EEA1: variants seen among roughly 807,000 people sequenced by gnomAD.
The protein encoded by EEA1 is early endosome antigen 1, 162kD.
In EEA1, 111 loss-of-function variants were observed where a neutral mutation model predicts 209.2. The observed-to-expected ratio is 0.53, with a 90% CI of 0.45 to 0.62. EEA1 has a LOEUF of 0.62. EEA1 is among the 20% of genes least tolerant of loss of function. EEA1 has a pLI of 0.00. For synonymous variants in EEA1, 536 were observed against 540.6 expected, an observed-to-expected ratio of 0.99 and a Z score of 0.12; for missense variants, 1,343 against 1,530.8, an observed-to-expected ratio of 0.88 and a Z score of 2.05.
chr12:92,928,694 G>T (rs1426076434), intron 1 of EEA1, among the ~76,000 whole-genome samples: 1 of 152,104 alleles, frequency 6.6e-6, no homozygotes, highest in Non-Finnish European at 1.5e-5. Context: ...CGGCTGGCCC[G>T]TCCCACGGGC....
At chr12:92,909,929 G>A (rs148889860) in intron 1 of EEA1, among the ~76,000 whole-genome samples, 9,306 of 152,056 alleles carry the variant, frequency 0.061, 306 homozygotes, top group Middle Eastern at 0.11. Flanking sequence ...GATCACCGGA[G>A]GTCAGGAGTT....
chr12:92,853,133 T>C lies in EEA1; in HGVS notation c.407-108A>G, dbSNP rs182152527. 2.4e-4 allele frequency: 160 copies of C among 674,692 alleles called. No individual in the cohort carries two copies. The East Asian group carries it at 4.5e-3, about 19-fold the overall frequency. 41.8% of individuals were successfully genotyped at this position (674,692 alleles called of 1,614,324 possible). A position where few individuals can be genotyped will look rare whatever the true frequency, so the allele number is the denominator to read the frequency against. On this transcript the variant is annotated intron_variant, in intron 6 of 28. Coordinates refer to ENST00000322349, the MANE Select transcript of EEA1 (RefSeq NM_003566.4). ...AAAGATGATCAACTTAAGTTTATTA[T>C]CCAATTACAAGTAGTATTTTGACAC...
chr12:92,795,105 A>C (rs112652367), intron 21 of EEA1, among the ~76,000 whole-genome samples: 2,830 of 152,270 alleles, frequency 0.019, 96 homozygotes, highest in African/African-American at 0.063. Flanking sequence ...TAAATTCTCC[A>C]ATAGAGTCCA....
At chr12:92,790,791 C>T (rs1001687441) in intron 21 of EEA1, among the ~76,000 whole-genome samples, 2 of 152,218 alleles carry the variant, frequency 1.3e-5, no homozygotes, top group East Asian at 1.9e-4. Context: ...AGATACTCCT[C>T]AAGAAGAGCA....
At chr12:92,884,628 T>C (rs982756559) in intron 2 of EEA1, 67 of 1,373,090 alleles carry the variant, frequency 4.9e-5, no homozygotes, top group Non-Finnish European at 6.5e-5. Context: ...GGCCAATACT[T>C]TGCCAAACCA....
At chr12:92,804,491 G>C (rs564099667) in intron 18 of EEA1, among the ~76,000 whole-genome samples, 1 of 145,810 alleles carries the variant, frequency 6.9e-6, no homozygotes, top group African/African-American at 2.6e-5. Context: ...AGAATCGCTT[G>C]AACCCAGGTG....
intron 9 of EEA1, among the ~76,000 whole-genome samples, chr12:92,842,797 G>A (rs1242095964): frequency 6.6e-6 from 1 of 152,012 alleles, no homozygotes; most frequent in African/African-American, 2.4e-5. Context: ...CATTTATTTA[G>A]TAATACATAA....
chr12:92,887,429 A>C (rs1216547648), intron 2 of EEA1, among the ~76,000 whole-genome samples: 1 of 152,148 alleles, frequency 6.6e-6, no homozygotes, highest in East Asian at 1.9e-4. Context: ...AAGACTGTTT[A>C]AAGCCAGGAG....
At chr12:92,847,050 T>C (rs1330818627) in intron 9 of EEA1, among the ~76,000 whole-genome samples, 1 of 152,160 alleles carries the variant, frequency 6.6e-6, no homozygotes, top group African/African-American at 2.4e-5. Context: ...CCTCCCGGGT[T>C]CAAGGGATTC....
intron 2 of EEA1, among the ~76,000 whole-genome samples, chr12:92,871,538 T>C (rs1324320564): frequency 5.9e-5 from 9 of 152,170 alleles, no homozygotes; most frequent in African/African-American, 7.2e-5. Context: ...TGAAACCCTG[T>C]GAAATAACAA....
Position 92,929,209 on chromosome 12 carries a change from T to G in EEA1, c.-143A>C. On this transcript the variant is annotated 5_prime_UTR_variant, in exon 1 of 29. Coordinates refer to ENST00000322349, the MANE Select transcript of EEA1 (RefSeq NM_003566.4). ...GGGGCGAGGCGGTGGCGACGGCCGCTCGGGCGGCCCCGACTTCCCCACAGG... is the reference window on the plus strand; with the variant it reads ...GGGGCGAGGCGGTGGCGACGGCCGCGCGGGCGGCCCCGACTTCCCCACAGG... The G allele has an allele frequency of 1.4e-6, 1 of 714,538 alleles. No homozygotes were observed. Among genetic ancestry groups the G allele is most frequent in the Non-Finnish European group, 2.1e-6 (1 of 474,698 alleles). 44.3% of individuals were successfully genotyped at this position (714,538 alleles called of 1,614,324 possible). A position where few individuals can be genotyped will look rare whatever the true frequency, so the allele number is the denominator to read the frequency against.
chr12:92,881,093 G>A (rs948083983), intron 2 of EEA1, among the ~76,000 whole-genome samples: 3 of 152,126 alleles, frequency 2.0e-5, no homozygotes, highest in African/African-American at 4.8e-5. Flanking sequence ...TCCTCCCACT[G>A]CTAAATCTGA....
chr12:92,874,280 A>C (rs1181767418), intron 2 of EEA1, among the ~76,000 whole-genome samples: 1 of 152,112 alleles, frequency 6.6e-6, no homozygotes, highest in Non-Finnish European at 1.5e-5. Flanking sequence ...TGTTCACACC[A>C]CTGCACTCCA....
chr12:92,838,021 C>T (rs1489894201), intron 10 of EEA1, among the ~76,000 whole-genome samples: 1 of 152,092 alleles, frequency 6.6e-6, no homozygotes, highest in Non-Finnish European at 1.5e-5. Flanking sequence ...GACTGGTGAC[C>T]AAATCCCAAA....
chr12:92,929,295 C>G lies in EEA1; in HGVS notation c.-229G>C, dbSNP rs1881342792. On this transcript the variant is annotated 5_prime_UTR_variant, in exon 1 of 29. Transcript: ENST00000322349. The stretch of plus-strand genomic sequence containing the variant: ...CGACTAGGCAGCCTGCGAGCGCCTC[C>G]AGCCCGCCCGCCGGGCAGCCCCCGT... 7.8e-6 allele frequency: 3 copies of G among 385,268 alleles called. No homozygotes were observed. The South Asian group carries it at 2.4e-4, about 30-fold the overall frequency. 23.9% of individuals were successfully genotyped at this position (385,268 alleles called of 1,614,324 possible). A position where few individuals can be genotyped will look rare whatever the true frequency, so the allele number is the denominator to read the frequency against.
At chr12:92,874,401 T>C (rs1878787067) in intron 2 of EEA1, among the ~76,000 whole-genome samples, 1 of 152,262 alleles carries the variant, frequency 6.6e-6, no homozygotes. Context: ...AGTCTCGCTC[T>C]GTCACCCAGG....
At chr12:92,827,825 T>G (rs1876390770) in intron 12 of EEA1, 87 bp downstream of exon 12, 2 of 1,352,004 alleles carry the variant, frequency 1.5e-6, no homozygotes, top group Non-Finnish European at 1.9e-6. Context: ...AAAGTCCAAT[T>G]AAAGCTTTGA....
chr12:92,909,155 A>G lies in EEA1; in HGVS notation c.25-17434T>C, dbSNP rs561768395. The stretch of plus-strand genomic sequence containing the variant: ...TTATCATTCAAAAGCTTAAAAGCAA[A>G]GACAACCCAAAAGCAAAGCGCACCC... On this transcript the variant is annotated intron_variant, in intron 1 of 28. Transcript: ENST00000322349. Among the ~76,000 whole-genome samples, 212 of 152,316 alleles carry G rather than the reference A, an allele frequency of 1.4e-3. 1 individual carries two copies. Among genetic ancestry groups the G allele is most frequent in the African/African-American group, 4.9e-3 (205 of 41,564 alleles).
chr12:92,797,166 C>A (rs955335522), intron 21 of EEA1, among the ~76,000 whole-genome samples: 5 of 152,214 alleles, frequency 3.3e-5, no homozygotes, highest in East Asian at 3.8e-4. Flanking sequence ...TGGCTCACTG[C>A]AACCTCTGCC....
Sources: allele counts gnomAD v4.1 joint callset (sites outside exome capture counted in the v4.1 genomes callset), GRCh38; gene constraint gnomAD v4.1.1; transcripts MANE v1.5; gene names NCBI Gene and HGNC (gene_info 2026-07-23, HGNC 2026-07-21).